FGF14: variants seen among roughly 807,000 people sequenced by gnomAD.
The protein encoded by FGF14 is fibroblast growth factor homologous factor 4.
FGF14 carries 5 observed loss-of-function variants against 25.5 expected under a neutral mutation model. The ratio of observed to expected loss-of-function variants is 0.20; its 90% CI spans 0.10 to 0.41. The LOEUF (loss-of-function observed/expected upper bound fraction) is 0.41, where lower values mean the gene tolerates loss of function less well. Among genes scored for constraint, FGF14 ranks in the 10% least tolerant of loss-of-function variants. FGF14 has a pLI of 1.00. For synonymous variants in FGF14, 138 were observed against 118.3 expected (o/e 1.17, Z -1.08); for missense variants, 222 against 320.1 (o/e 0.69, Z 2.34).
intron 1 of FGF14, among the ~76,000 whole-genome samples, chr13:101,943,149 T>C (rs2035560109): frequency 6.6e-6 from 1 of 152,224 alleles, no homozygotes; most frequent in Non-Finnish European, 1.5e-5. Flanking sequence ...CTAGTAAATG[T>C]AGGATCTGAA....
At chr13:101,736,912 A>C (rs2036225288) in intron 3 of FGF14, among the ~76,000 whole-genome samples, 1 of 151,246 alleles carries the variant, frequency 6.6e-6, no homozygotes. Flanking sequence ...GAAATCAAAG[A>C]GGGAAATGTG....
At position 101,941,243 on chromosome 13, in the gene FGF14, A is replaced by C. The variant is rs1453561973; in HGVS notation, c.209-65947T>G. Among the ~76,000 whole-genome samples, 20 of 152,236 alleles carry C rather than the reference A, an allele frequency of 1.3e-4. 1 individual carries two copies. The highest frequency in any genetic ancestry group is 2.9e-5 in the Non-Finnish European group (2 of 68,044). ...AATTTAACAATCATCATCGATATGC[A>C]CAGCCTTCATGTGTAGTGTATGCTC... On this transcript the variant is annotated intron_variant, in intron 1 of 4. Transcript: ENST00000376131.
At chr13:102,286,435 T>C (rs1221313391) in intron 1 of FGF14, among the ~76,000 whole-genome samples, 4 of 152,208 alleles carry the variant, frequency 2.6e-5, no homozygotes, top group African/African-American at 9.6e-5. Flanking sequence ...CTCAGTCACA[T>C]ATTTCATTGA....
At chr13:101,753,292 CAG>C (rs1249702378) in intron 3 of FGF14, among the ~76,000 whole-genome samples, 2 of 102,288 alleles carry the variant, frequency 2.0e-5, no homozygotes, top group Non-Finnish European at 3.9e-5. Flanking sequence ...CAGACACACA[CAG>C]ACAGACACAC....
At chr13:102,089,457 T>C (rs1319868003) in intron 1 of FGF14, among the ~76,000 whole-genome samples, 2 of 152,198 alleles carry the variant, frequency 1.3e-5, no homozygotes, top group Non-Finnish European at 2.9e-5. Flanking sequence ...GAAGCACTAA[T>C]ATACCTGGAT....
chr13:101,892,314 G>T (rs1010869635), intron 1 of FGF14, among the ~76,000 whole-genome samples: 1 of 151,880 alleles, frequency 6.6e-6, no homozygotes, highest in Non-Finnish European at 1.5e-5. Flanking sequence ...TCTTTGAAAA[G>T]TGTTTTAGAA....
At chr13:102,171,001 A>G (rs2048222810) in intron 1 of FGF14, among the ~76,000 whole-genome samples, 1 of 152,214 alleles carries the variant, frequency 6.6e-6, no homozygotes, top group Non-Finnish European at 1.5e-5. Context: ...AAATGAAAAC[A>G]GGAATTTAAA....
chr13:101,764,585 C>T (rs541341679), intron 3 of FGF14, among the ~76,000 whole-genome samples: 5 of 152,300 alleles, frequency 3.3e-5, no homozygotes, highest in African/African-American at 1.2e-4. Flanking sequence ...TTCACTCTCC[C>T]TGCTTATTCT....
chr13:102,367,494 G>T lies in FGF14; in HGVS notation c.208+33977C>A, dbSNP rs544993936. 4.6e-5 allele frequency: 7 copies of T among 152,164 alleles called. No homozygotes were observed. In the East Asian group the frequency reaches 1.4e-3, roughly 29 times the overall value. The allele number at this position is 152,164 out of a possible 1,614,324, so 9.4% of individuals were successfully genotyped here. On this transcript the variant is annotated intron_variant, in intron 1 of 4. Transcript: ENST00000376131. ...TTGTCCCTTCTGCAATACCACACTG[G>T]TTACACAGGTCAGCTCTATTCACTG...
At position 102,023,976 on chromosome 13, in the gene FGF14, A is replaced by G. The variant is rs375261263; in HGVS notation, c.209-148680T>C. Among the ~76,000 whole-genome samples the G allele has an allele frequency of 2.6e-5, 4 of 152,078 alleles. No individual in the cohort carries two copies. The East Asian group carries it at 7.7e-4, about 29-fold the overall frequency. On this transcript the variant is annotated intron_variant, in intron 1 of 4. Coordinates refer to the FGF14 transcript ENST00000376131. ...ATATTTTAATGTCTTTTTATTGACA[A>G]GTAATATTCCATTGTGTCGATCTAC...
In FGF14 at chr13:101,868,782, C is replaced by T. The variant is rs1555301901; in HGVS notation, c.351G>A (p.Gln117=). The T allele has an allele frequency of 1.2e-6, 2 of 1,613,648 alleles. No homozygotes were observed. Among genetic ancestry groups the T allele is most frequent in the African/African-American group, 2.7e-5 (2 of 74,908 alleles). ...CTATATACAACCCTGTTTTCACTCCCTGGATGGCAACAACACGTAGTCCCA... is the reference window on the plus strand; with the variant it reads ...CTATATACAACCCTGTTTTCACTCCTTGGATGGCAACAACACGTAGTCCCA... ...IPVGLRVVAI[Q]GVKTGLYIAM... The change falls in exon 3 of 5, where the codon CAG becomes CAA. Residue 117 remains glutamine, a synonymous_variant. Transcript: ENST00000376143.
chr13:102,291,013 T>G (rs1437567903), intron 1 of FGF14, among the ~76,000 whole-genome samples: 1 of 152,152 alleles, frequency 6.6e-6, no homozygotes, highest in African/African-American at 2.4e-5. Context: ...ACCAATAATA[T>G]TTTGAAAAAT....
chr13:102,015,906 A>G (rs1215267307), intron 1 of FGF14, among the ~76,000 whole-genome samples: 1 of 152,168 alleles, frequency 6.6e-6, no homozygotes, highest in East Asian at 1.9e-4. Context: ...TGTGCTATCT[A>G]TTAAAAAATT....
intron 1 of FGF14, among the ~76,000 whole-genome samples, chr13:102,326,649 AGAAGGGAGGG>A (rs1296784802): frequency 4.0e-5 from 4 of 100,846 alleles, no homozygotes; most frequent in Non-Finnish European, 5.7e-5. Flanking sequence ...GAAAGGGAGG[AGAAGGGAGGG>A]GAAGGGAGGG....
chr13:101,892,031 T>A (rs1003797293), intron 1 of FGF14, among the ~76,000 whole-genome samples: 1 of 152,050 alleles, frequency 6.6e-6, no homozygotes, highest in African/African-American at 2.4e-5. Context: ...AGAAAAGCTA[T>A]CCAATTACTT....
intron 1 of FGF14, among the ~76,000 whole-genome samples, chr13:101,957,938 TG>T (rs1172394122): frequency 6.6e-6 from 1 of 152,106 alleles, no homozygotes; most frequent in Non-Finnish European, 1.5e-5. Context: ...AAGGGCCAAA[TG>T]GGTCCAAAAT....
At chr13:101,897,747 G>C (rs1302902658) in intron 1 of FGF14, among the ~76,000 whole-genome samples, 1 of 152,088 alleles carries the variant, frequency 6.6e-6, no homozygotes, top group Non-Finnish European at 1.5e-5. Flanking sequence ...AATACTAGTA[G>C]TATTAGTAGC....
intron 1 of FGF14, among the ~76,000 whole-genome samples, chr13:102,334,724 C>T (rs2056740692): frequency 6.6e-6 from 1 of 152,100 alleles, no homozygotes; most frequent in African/African-American, 2.4e-5. Flanking sequence ...AATAATTTGG[C>T]TTTCTAAGAT....
chr13:101,773,957 C>T (rs945580712), intron 3 of FGF14, among the ~76,000 whole-genome samples: 1 of 151,098 alleles, frequency 6.6e-6, no homozygotes, highest in East Asian at 1.9e-4. Context: ...ACAGTAGACA[C>T]TCCATTAGTA....
Sources: gnomAD v4.1 joint callset for allele counts (sites outside exome capture counted in the v4.1 genomes callset) on GRCh38, gnomAD v4.1.1 for gene constraint, MANE v1.5 for transcripts, NCBI Gene and HGNC (gene_info 2026-07-23, HGNC 2026-07-21) for gene names.